The following PSMC6 variants were observed in gnomAD, a reference collection of about 807,000 sequenced individuals.
PSMC6 encodes 26S proteasome regulatory subunit 10B.
In PSMC6, 3 loss-of-function variants were observed where a neutral mutation model predicts 55.9. That is an observed-to-expected ratio of 0.05 (90% CI 0.02 to 0.14). The LOEUF (loss-of-function observed/expected upper bound fraction) is 0.14. Among genes scored for constraint, PSMC6 ranks in the 10% least tolerant of loss-of-function variants. The pLI is 1.00. For missense variants in PSMC6, 210 were observed against 478.7 expected (o/e 0.44, Z 5.24); for synonymous variants, 137 against 155.9 (o/e 0.88, Z 0.90).
chr14:52,720,468 A>G (rs574906218), intron 10 of PSMC6, among the ~76,000 whole-genome samples: 70 of 151,232 alleles, frequency 4.6e-4, no homozygotes, highest in African/African-American at 1.6e-3. Flanking sequence ...GTTATGTCTG[A>G]CATATCATAA....
chr14:52,721,651 T>A (rs2041892215), intron 12 of PSMC6: 1 of 152,282 alleles, frequency 6.6e-6, no homozygotes, highest in Non-Finnish European at 1.5e-5. Flanking sequence ...GGCAAGACGC[T>A]GTTTCAGGGG....
In PSMC6 at chr14:52,720,846, T is replaced by C. The variant is rs1171383989; in HGVS notation, c.778-15T>C. ...GGTTAGAATTTTTGTAAAATCTGAT[T>C]CTTAATATTCTTAGTTACTGAATCA... On this transcript the variant is annotated splice_polypyrimidine_tract_variant and intron_variant, in intron 10 of 13. Coordinates refer to ENST00000445930, the MANE Select transcript of PSMC6 (RefSeq NM_002806.5). 9.6e-6 allele frequency: 15 copies of C among 1,566,982 alleles called. No homozygotes were observed. Among genetic ancestry groups the C allele is most frequent in the Non-Finnish European group, 1.3e-5 (15 of 1,150,122 alleles).
At chr14:52,715,264 G>A (rs907414635) in intron 7 of PSMC6, among the ~76,000 whole-genome samples, 17 of 152,158 alleles carry the variant, frequency 1.1e-4, no homozygotes, top group African/African-American at 4.1e-4. Context: ...ATAAAGTACT[G>A]CTGCATATTG....
At chr14:52,727,018 A>ATTTTTTTTTTTTTTTTTTTTTTTTTT (rs66797420) in intron 13 of PSMC6, among the ~76,000 whole-genome samples, 1 of 102,166 alleles carries the variant, frequency 9.8e-6, no homozygotes, top group Non-Finnish European at 1.8e-5. Context: ...ACCGCTATGG[A>ATTTTTTTTTTTTTTTTTTTTTTTTTT]TTTTTTTTTT....
chr14:52,720,367 CAAA>C (rs71444775), intron 10 of PSMC6, among the ~76,000 whole-genome samples: 398 of 41,310 alleles, frequency 9.6e-3, no homozygotes, highest in Middle Eastern at 0.056. Flanking sequence ...AACTCTGTCT[CAAA>C]AAAAAAAAAA....
chr14:52,707,630 T>TG (rs778777405), intron 1 of PSMC6: 33 of 264,442 alleles, frequency 1.2e-4, no homozygotes, highest in Admixed American at 2.5e-4. Context: ...TCCCGGGACT[T>TG]GGAGAGGGGA....
chr14:52,724,087 C>T lies in PSMC6; in HGVS notation c.1051+51C>T, dbSNP rs774413067. 9.1e-6 allele frequency: 14 copies of T among 1,536,240 alleles called. No homozygotes were observed. The South Asian group carries it at 1.6e-4, about 17-fold the overall frequency. On this transcript the variant is annotated intron_variant, in intron 13 of 13. Transcript: ENST00000445930. ...TATTGATTTTGATTTTTAAAATTTG[C>T]TGAAACTGTTTTGAGTTTATCTGAA...
At chr14:52,724,099 T>C in intron 13 of PSMC6, 63 bp downstream of exon 13, 2 of 1,449,080 alleles carry the variant, frequency 1.4e-6, no homozygotes, top group Admixed American at 1.7e-5. Flanking sequence ...GAAACTGTTT[T>C]GAGTTTATCT....
chr14:52,712,806 G>A (rs961223620), intron 6 of PSMC6, among the ~76,000 whole-genome samples: 29 of 151,968 alleles, frequency 1.9e-4, no homozygotes, highest in Admixed American at 5.2e-4. Flanking sequence ...TTGTAGAGAT[G>A]GGGTTTCACC....
At chr14:52,713,650 AG>A in intron 6 of PSMC6, among the ~76,000 whole-genome samples, 1 of 152,294 alleles carries the variant, frequency 6.6e-6, no homozygotes, top group East Asian at 1.9e-4. Flanking sequence ...ACCCCAATCA[AG>A]TGTGTGGTTT....
chr14:52,719,521 A>C (rs1410545153), intron 10 of PSMC6, among the ~76,000 whole-genome samples: 1 of 152,252 alleles, frequency 6.6e-6, no homozygotes, highest in African/African-American at 2.4e-5. Context: ...GCCTTCCTCC[A>C]GTTTTACCTT....
At chr14:52,708,034 G>T (rs1163754927) in intron 1 of PSMC6, among the ~76,000 whole-genome samples, 1 of 152,070 alleles carries the variant, frequency 6.6e-6, no homozygotes, top group Non-Finnish European at 1.5e-5. Flanking sequence ...TAAGTGTCAG[G>T]GTGTCAATAT....
chr14:52,724,902 C>T (rs1272237754), intron 13 of PSMC6, among the ~76,000 whole-genome samples: 1 of 152,084 alleles, frequency 6.6e-6, no homozygotes, highest in Non-Finnish European at 1.5e-5. Flanking sequence ...CATGTTTAGC[C>T]TTAGTAAATT....
chr14:52,707,304 T>A lies in PSMC6; in HGVS notation c.85T>A (p.Leu29Ile). 1 of 1,613,694 alleles carries A rather than the reference T, an allele frequency of 6.2e-7. No homozygotes were observed. Among genetic ancestry groups the A allele is most frequent in the South Asian group, 1.1e-5 (1 of 91,074 alleles). ...HKEIDGRLKE[L>I]REQLKELTKQ... ...GGAGATCGACGGCCGTCTTAAGGAG[T>A]GTGAGTGCACCTTTCTTTCCATTTA... is the stretch of plus-strand genomic sequence containing the variant. Residue 29 changes from leucine (L) to isoleucine (I), a missense_variant and splice_region_variant, in exon 1 of 14, where the codon TTA becomes ATA. This residue lies in a region of PSMC6 where 101 missense variants were observed against 250.4 expected (regional missense o/e 0.40). Coordinates refer to ENST00000445930, the MANE Select transcript of PSMC6 (RefSeq NM_002806.5).
chr14:52,720,784 A>G, intron 10 of PSMC6, 77 bp from the exon 11 acceptor site: 1 of 1,168,084 alleles, frequency 8.6e-7, no homozygotes, highest in Non-Finnish European at 1.2e-6. Context: ...ATTTCATGGC[A>G]TTAGACATAT....
intron 10 of PSMC6, among the ~76,000 whole-genome samples, chr14:52,720,286 C>T (rs1215956589): frequency 4.0e-5 from 5 of 126,178 alleles, no homozygotes; most frequent in African/African-American, 9.2e-5. Flanking sequence ...GAGGACTGGT[C>T]GAGCCCAGGA....
intron 7 of PSMC6, among the ~76,000 whole-genome samples, chr14:52,715,030 T>C (rs2041816065): frequency 1.3e-5 from 2 of 151,978 alleles, no homozygotes; most frequent in African/African-American, 2.4e-5. Flanking sequence ...GCACCATGGG[T>C]AAAATTAAAT....
intron 6 of PSMC6, 47 bp downstream of exon 6, chr14:52,711,571 C>CG: frequency 7.7e-7 from 1 of 1,306,612 alleles, no homozygotes; most frequent in Non-Finnish European, 1.1e-6. Context: ...ATAAATACTA[C>CG]TAGTTTTAGG....
intron 4 of PSMC6, 148 bp downstream of exon 4, chr14:52,708,964 A>G: frequency 8.5e-7 from 1 of 1,172,818 alleles, no homozygotes; most frequent in Non-Finnish European, 1.2e-6. Flanking sequence ...TTATTAACAA[A>G]GCCTGAATTC....
Sources: gnomAD v4.1 joint callset for allele counts (sites outside exome capture counted in the v4.1 genomes callset) on GRCh38, gnomAD v4.1.1 for gene constraint, gnomAD v4.1.1 regional missense constraint, MANE v1.5 for transcripts, NCBI Gene and HGNC (gene_info 2026-07-23, HGNC 2026-07-21) for gene names.